The following IFIH1 variants were observed in gnomAD, a reference collection of about 807,000 sequenced individuals.
IFIH1 encodes interferon-induced helicase C domain-containing protein 1.
IFIH1 carries 125 observed loss-of-function variants against 107.4 expected under a neutral mutation model. The observed-to-expected ratio is 1.16, with a 90% CI of 1.01 to 1.35. IFIH1 has a LOEUF of 1.35. IFIH1 is among the 40% of genes most tolerant of loss of function. The pLI, the probability that IFIH1 is intolerant of heterozygous loss-of-function variation, is 0.00. For synonymous variants in IFIH1, 458 were observed against 413.2 expected (o/e 1.11, Z -1.31); for missense variants, 1,333 against 1,213.7 (o/e 1.10, Z -1.46).
intron 1 of IFIH1, among the ~76,000 whole-genome samples, chr2:162,312,193 T>A (rs1251229444): frequency 6.6e-6 from 1 of 152,224 alleles, no homozygotes; most frequent in Non-Finnish European, 1.5e-5. Context: ...TGGAACAATG[T>A]CTGGCACTAA....
Position 162,277,539 on chromosome 2 carries a change from G to GT in IFIH1, c.1919_1920insA (p.Ile641HisfsTer4). ...CACCCTCATCACTATCATCTTCTAT[G>GT]ACTGCAAACTTCTTATCTTTCTCTT... is the stretch of plus-strand genomic sequence containing the variant. On this transcript the variant is annotated frameshift_variant, in exon 10 of 16. Coordinates refer to ENST00000649979, the MANE Select transcript of IFIH1 (RefSeq NM_022168.4). LOFTEE classifies it high-confidence loss of function. 1 of 1,592,462 alleles carries GT rather than the reference G, an allele frequency of 6.3e-7. No individual in the cohort carries two copies. The highest frequency in any genetic ancestry group is 8.6e-7 in the Non-Finnish European group (1 of 1,160,698).
At position 162,306,736 on chromosome 2, in the gene IFIH1, A is replaced by G. The variant is rs1392840230; in HGVS notation, c.742T>C (p.Ser248Pro). Residue 248 changes from serine (S) to proline (P), a missense_variant, in exon 3 of 16, where the codon TCT (serine) becomes CCT (proline). By Grantham distance (74) the Ser-to-Pro change is moderately conservative (BLOSUM62 -1). Coordinates refer to ENST00000649979, the MANE Select transcript of IFIH1 (RefSeq NM_022168.4). ...GAAACTACAGAAGAATCTGCAAAAGATGATTCTGATGAGTTATTCTCCATG... is the reference window on the plus strand; with the variant it reads ...GAAACTACAGAAGAATCTGCAAAAGGTGATTCTGATGAGTTATTCTCCATG... ...WGMENNSSES[S>P]FADSSVVSES... The G allele has an allele frequency of 1.9e-6, 3 of 1,613,898 alleles. No individual in the cohort carries two copies. Among genetic ancestry groups the G allele is most frequent in the Non-Finnish European group, 1.7e-6 (2 of 1,179,832 alleles).
At chr2:162,299,068 T>A (rs149125298) in intron 3 of IFIH1, among the ~76,000 whole-genome samples, 1 of 152,352 alleles carries the variant, frequency 6.6e-6, no homozygotes, top group East Asian at 1.9e-4. Context: ...TTGTGTGTAA[T>A]GAGGTTGGCT....
Position 162,277,058 on chromosome 2 carries a change from AAATT to A in IFIH1, c.2045-116_2045-113del, listed in dbSNP as rs1208876946. On this transcript the variant is annotated intron_variant, in intron 10 of 15. Transcript: ENST00000649979. ...AAAAATATACAGTTTTATTGATTAA[AAATT>A]AATTAATTTAAAAACTATTTGGAAG... is the stretch of plus-strand genomic sequence containing the variant. The A allele has an allele frequency of 1.6e-5, 12 of 736,944 alleles. No homozygotes were observed. In the South Asian group the frequency reaches 1.8e-4, roughly 11 times the overall value. The allele number at this position is 736,944 out of a possible 1,614,324, so 45.7% of individuals were successfully genotyped here.
intron 3 of IFIH1, 55 bp from the exon 4 acceptor site, chr2:162,293,723 T>G (rs1367792019): frequency 2.0e-5 from 23 of 1,142,364 alleles, no homozygotes; most frequent in Non-Finnish European, 2.9e-5. Context: ...AATAAACGTA[T>G]TTTAACTGCA....
intron 9 of IFIH1, 55 bp downstream of exon 9, chr2:162,278,149 TA>T: frequency 6.7e-7 from 1 of 1,496,820 alleles, no homozygotes; most frequent in Non-Finnish European, 9.1e-7. Flanking sequence ...TATAGTCATC[TA>T]AAATCTTGGT....
intron 8 of IFIH1, among the ~76,000 whole-genome samples, chr2:162,279,698 A>T (rs1682771548): frequency 6.6e-6 from 1 of 151,992 alleles, no homozygotes; most frequent in South Asian, 2.1e-4. Flanking sequence ...GAACTGTCAT[A>T]ACCCCTCCAG....
In IFIH1 at chr2:162,310,786, C is replaced by T. The variant is rs767542632; in HGVS notation, c.601G>A (p.Asp201Asn). The T allele has an allele frequency of 1.9e-6, 3 of 1,613,632 alleles. No homozygotes were observed. The highest frequency in any genetic ancestry group is 4.5e-5 in the East Asian group (2 of 44,850). ...ATACCTGCATTGCTTTCTGAGCAAT[C>T]AGAGCCTGTTAACTCTTGGACAAGT... is the stretch of plus-strand genomic sequence containing the variant. ...NELVQELTGS[D>N]CSESNAEIEN... Residue 201 changes from aspartate (D) to asparagine (N), a missense_variant, in exon 2 of 16, where the codon GAT (aspartate) becomes AAT (asparagine). Transcript: ENST00000649979.
At chr2:162,293,541 T>G in intron 4 of IFIH1, 23 bp downstream of exon 4, 1 of 1,499,356 alleles carries the variant, frequency 6.7e-7, no homozygotes, top group Non-Finnish European at 9.3e-7. Flanking sequence ...CTTTTTAAGG[T>G]TTACACAACA....
chr2:162,273,804 G>A lies in IFIH1; in HGVS notation c.2445C>T (p.Ala815=), dbSNP rs1234444466. Residue 815 remains alanine (A), a synonymous_variant, in exon 12 of 16, where the codon GCC becomes GCT. Transcript: ENST00000649979. ...IRYGLVTNEI[A]MVQARGRARA... ...AGGTATTTGAATGTACCTGGACCAT[G>A]GCTATTTCATTGGTGACGAGACCAT... 6.3e-7 allele frequency: 1 copy of A among 1,590,088 alleles called. No individual in the cohort carries two copies. Among genetic ancestry groups the A allele is most frequent in the African/African-American group, 1.4e-5 (1 of 73,568 alleles).
Position 162,277,652 on chromosome 2 carries a change from G to A in IFIH1, c.1807C>T (p.His603Tyr). The change falls in exon 10 of 16, where the codon CAT (histidine) becomes TAT (tyrosine). Residue 603 changes from histidine to tyrosine, a missense_variant. By Grantham distance (83) the His-to-Tyr change is moderately conservative. Transcript: ENST00000649979. ...GNRKERVCAEHLRKYNEALQI... is the reference protein window; with the variant it reads ...GNRKERVCAEYLRKYNEALQI... ...AGGGCCTCATTGTACTTCCTCAAAT[G>A]TTCTGCACAAACACGTTCTTTGCGA... The A allele has an allele frequency of 6.2e-7, 1 of 1,611,910 alleles. No individual in the cohort carries two copies. The highest frequency in any genetic ancestry group is 8.5e-7 in the Non-Finnish European group (1 of 1,178,736).
intron 13 of IFIH1, among the ~76,000 whole-genome samples, chr2:162,271,671 T>C (rs1276913285): frequency 6.6e-6 from 1 of 152,240 alleles, no homozygotes; most frequent in Non-Finnish European, 1.5e-5. Flanking sequence ...AGTTGTTTCA[T>C]ATCATCCTAT....
chr2:162,292,596 T>C (rs1683013757), intron 4 of IFIH1, among the ~76,000 whole-genome samples: 1 of 151,886 alleles, frequency 6.6e-6, no homozygotes, highest in Admixed American at 6.6e-5. Context: ...TTATAATTCT[T>C]CTGACAATGC....
intron 1 of IFIH1, among the ~76,000 whole-genome samples, chr2:162,312,829 A>G (rs1272957961): frequency 6.6e-6 from 1 of 152,152 alleles, no homozygotes; most frequent in Non-Finnish European, 1.5e-5. Context: ...CCATTCTCAT[A>G]TTTTATTACC....
intron 13 of IFIH1, among the ~76,000 whole-genome samples, chr2:162,271,970 G>A (rs1691048849): frequency 6.6e-6 from 1 of 152,138 alleles, no homozygotes; most frequent in Non-Finnish European, 1.5e-5. Flanking sequence ...CAGTCTTTCT[G>A]GAACAAGGCA....
chr2:162,299,938 A>G (rs1268521755), intron 3 of IFIH1, among the ~76,000 whole-genome samples: 1 of 152,120 alleles, frequency 6.6e-6, no homozygotes, highest in African/African-American at 2.4e-5. Context: ...GTTGCCTGCC[A>G]CTTCTATTTA....
chr2:162,280,432 A>G lies in IFIH1; in HGVS notation c.1525-320T>C, dbSNP rs72871627. Among the ~76,000 whole-genome samples the G allele has an allele frequency of 7.2e-3, 1,100 of 152,184 alleles. 5 individuals are homozygous for G. Among genetic ancestry groups the G allele is most frequent in the Admixed American group, 0.012 (179 of 15,268 alleles). On this transcript the variant is annotated intron_variant, in intron 7 of 15. Coordinates refer to ENST00000649979, the MANE Select transcript of IFIH1 (RefSeq NM_022168.4). ...CTTAAATTCCATTTTCCAAGTGGAA[A>G]ACTGACATGGAAAGAGTATAACAAT...
Position 162,317,860 on chromosome 2 carries a change from T to G in IFIH1, c.448A>C (p.Asn150His). The G allele has an allele frequency of 6.4e-7, 1 of 1,571,680 alleles. No homozygotes were observed. Among genetic ancestry groups the G allele is most frequent in the Non-Finnish European group, 8.6e-7 (1 of 1,159,980 alleles). ...CCATCTGAACAGACACCTACCCGGT[T>G]TCTGTCTTCAATTGTCAACAGTTCC... is the stretch of plus-strand genomic sequence containing the variant. ...EEELLTIEDR[N>H]RIAAAENNGN... The change falls in exon 1 of 16, where the codon AAC becomes CAC. Residue 150 changes from asparagine to histidine, a missense_variant. Physicochemically the swap from Asn to His is moderately conservative, Grantham distance 68. Transcript: ENST00000649979.
chr2:162,271,614 A>G (rs1030225097), intron 13 of IFIH1, among the ~76,000 whole-genome samples: 2 of 152,220 alleles, frequency 1.3e-5, no homozygotes, highest in South Asian at 4.1e-4. Context: ...AATAAGAAAA[A>G]AAAGAATTTC....
Sources: allele counts gnomAD v4.1 joint callset (sites outside exome capture counted in the v4.1 genomes callset), GRCh38; gene constraint gnomAD v4.1.1; transcripts MANE v1.5; gene names NCBI Gene and HGNC (gene_info 2026-07-23, HGNC 2026-07-21).